CD109: variants seen among roughly 807,000 people sequenced by gnomAD.
The protein encoded by CD109 is CD109 molecule, also known as CD109 antigen.
In CD109, 149 loss-of-function variants were observed where a neutral mutation model predicts 165.8. The observed-to-expected ratio is 0.90, with a 90% CI of 0.79 to 1.03. The LOEUF is 1.03. CD109 is among the 50% of genes least tolerant of loss of function. CD109 has a pLI of 0.00. For synonymous variants in CD109, 585 were observed against 592.1 expected, an observed-to-expected ratio of 0.99 and a Z score of 0.18; for missense variants, 1,712 against 1,677.8, an observed-to-expected ratio of 1.02 and a Z score of -0.36.
intron 2 of CD109, among the ~76,000 whole-genome samples, chr6:73,718,638 G>C (rs1582055418): frequency 6.6e-6 from 1 of 151,818 alleles, no homozygotes; most frequent in African/African-American, 2.4e-5. Context: ...TGAGTCAGGT[G>C]GTTAGGGTCA....
intron 2 of CD109, among the ~76,000 whole-genome samples, chr6:73,700,134 T>G (rs927343734): frequency 1.3e-5 from 2 of 152,156 alleles, no homozygotes; most frequent in Admixed American, 6.5e-5. Flanking sequence ...CAGGCCAGAG[T>G]GCAGTGGTGA....
rs763594935 is a variant in CD109, at chr6:73,812,223, A to G, written c.3721A>G (p.Thr1241Ala). ...GATTCAGCTTGCTGTGGTACAGCCAACGGCAGTTAATATTTCCGCAAATGG... is the reference window on the plus strand; with the variant it reads ...GATTCAGCTTGCTGTGGTACAGCCAGCGGCAGTTAATATTTCCGCAAATGG... ...QTAELAVVQPTAVNISANGFG... is the reference protein window; with the variant it reads ...QTAELAVVQPAAVNISANGFG... Residue 1241 changes from threonine (T) to alanine (A), a missense_variant, in exon 29 of 33, where the codon ACG (threonine) becomes GCG (alanine). Physicochemically the swap from Thr to Ala is moderately conservative, Grantham distance 58. Transcript: ENST00000287097. The G allele has an allele frequency of 2.5e-6, 4 of 1,610,584 alleles. No homozygotes were observed. Among genetic ancestry groups the G allele is most frequent in the Non-Finnish European group, 3.4e-6 (4 of 1,177,736 alleles).
intron 10 of CD109, among the ~76,000 whole-genome samples, chr6:73,764,306 A>G (rs1209465126): frequency 6.6e-6 from 1 of 152,212 alleles, no homozygotes; most frequent in Non-Finnish European, 1.5e-5. Flanking sequence ...GGGGTTGCCA[A>G]ACTTTTTCTG....
intron 3 of CD109, among the ~76,000 whole-genome samples, chr6:73,730,081 A>G (rs55818648): frequency 0.065 from 9,915 of 152,170 alleles, 422 homozygotes; most frequent in Non-Finnish European, 0.088. Context: ...GGAATAGGAA[A>G]TGGCAAGGTG....
chr6:73,785,968 C>T (rs1424662455), intron 20 of CD109, among the ~76,000 whole-genome samples: 2 of 151,960 alleles, frequency 1.3e-5, no homozygotes, highest in African/African-American at 2.4e-5. Flanking sequence ...CCTCAGCCTC[C>T]GAGTAGCTGG....
chr6:73,740,589 T>A (rs1772733803), intron 5 of CD109, among the ~76,000 whole-genome samples: 1 of 148,936 alleles, frequency 6.7e-6, no homozygotes, highest in African/African-American at 2.5e-5. Flanking sequence ...TTTCTAGTTT[T>A]CTTTTCTTTC....
At chr6:73,724,612 A>AT (rs1283633972) in intron 3 of CD109, among the ~76,000 whole-genome samples, 160 of 141,064 alleles carry the variant, frequency 1.1e-3, no homozygotes, top group Non-Finnish European at 2.1e-3. Flanking sequence ...CATTACCTTA[A>AT]ATTTTTTTTT....
intron 5 of CD109, among the ~76,000 whole-genome samples, chr6:73,747,641 A>G (rs767546516): frequency 6.6e-5 from 10 of 152,162 alleles, no homozygotes; most frequent in Non-Finnish European, 1.3e-4. Flanking sequence ...AACTATCAAC[A>G]TCTGTATTTG....
intron 2 of CD109, among the ~76,000 whole-genome samples, chr6:73,698,540 G>A (rs1770943324): frequency 6.6e-6 from 1 of 152,020 alleles, no homozygotes; most frequent in African/African-American, 2.4e-5. Flanking sequence ...TTTAAGGCAC[G>A]TAATGAAGGG....
intron 27 of CD109, 45 bp from the exon 28 acceptor site, chr6:73,810,947 C>T (rs373725772): frequency 1.3e-6 from 2 of 1,559,290 alleles, no homozygotes; most frequent in Non-Finnish European, 1.7e-6. Flanking sequence ...CTTTGAAGAC[C>T]TTGATATATA....
chr6:73,689,492 G>C, the CD109 span, among the ~76,000 whole-genome samples: 1 of 152,198 alleles, frequency 6.6e-6, no homozygotes, highest in Non-Finnish European at 1.5e-5. Context: ...ATGCATTTTG[G>C]TGGCCAGTGT....
At chr6:73,746,813 C>T (rs369547453) in intron 5 of CD109, among the ~76,000 whole-genome samples, 1 of 152,236 alleles carries the variant, frequency 6.6e-6, no homozygotes, top group African/African-American at 2.4e-5. Flanking sequence ...CAGGTATAGA[C>T]CAGCTTCAGT....
rs1554181710 is a variant in CD109, at chr6:73,781,266, G to A, written c.1910G>A (p.Gly637Glu). Residue 637 changes from glycine to glutamate, a missense_variant, in exon 17 of 33, where the codon GGA (glycine) becomes GAA (glutamate). Gly to Glu is a moderately conservative substitution (Grantham distance 98). Transcript: ENST00000287097. ...AAAAATTATTCTTTTTAGGAATGTG[G>A]ACTCTGGGTATTGACAGATGCAAAC... Reference protein sequence around the residue: ...MNSFAVFQECGLWVLTDANLT... With the variant: ...MNSFAVFQECELWVLTDANLT... 12 of 1,611,826 alleles carry A rather than the reference G, an allele frequency of 7.4e-6. No homozygotes were observed. Among genetic ancestry groups the A allele is most frequent in the Middle Eastern group, 1.6e-4 (1 of 6,072 alleles).
chr6:73,708,493 T>C (rs1771391249), intron 2 of CD109, among the ~76,000 whole-genome samples: 1 of 152,232 alleles, frequency 6.6e-6, no homozygotes, highest in Non-Finnish European at 1.5e-5. Context: ...GCATGATTTA[T>C]AGTCCTTTGG....
At chr6:73,727,556 T>C (rs984429075) in intron 3 of CD109, among the ~76,000 whole-genome samples, 1 of 152,296 alleles carries the variant, frequency 6.6e-6, no homozygotes, top group Admixed American at 6.5e-5. Context: ...TGAAGGAGGA[T>C]AGAGTAGGAG....
chr6:73,810,953 ATATACT>A lies in CD109; in HGVS notation c.3547-34_3547-29del, dbSNP rs1260354207. 3.2e-6 allele frequency: 5 copies of A among 1,580,986 alleles called. No individual in the cohort carries two copies. The African/African-American group carries it at 6.8e-5, about 22-fold the overall frequency. On this transcript the variant is annotated intron_variant, in intron 27 of 32. Coordinates refer to ENST00000287097, the MANE Select transcript of CD109 (RefSeq NM_133493.5). ...AAATTTACTCTTTGAAGACCTTGAT[ATATACT>A]TATATGTACAAATGTTTTTCTTCCC... is the stretch of plus-strand genomic sequence containing the variant.
rs184703998 is a variant in CD109 at position 73,812,859 on chromosome 6, C to T, written c.3768+589C>T. 1.4e-4 allele frequency among the ~76,000 whole-genome samples: 21 copies of T among 152,146 alleles called. No homozygotes were observed. The East Asian group carries it at 1.9e-3, about 14-fold the overall frequency. The stretch of plus-strand genomic sequence containing the variant: ...AATATTGAGGACTTTAAGATCATCT[C>T]ATTAGAACCCAAAGATAATTTGTGA... On this transcript the variant is annotated intron_variant, in intron 29 of 32. Coordinates refer to ENST00000287097, the MANE Select transcript of CD109 (RefSeq NM_133493.5).
chr6:73,762,534 C>G (rs1177285433), intron 8 of CD109, 54 bp downstream of exon 8: 4 of 1,232,120 alleles, frequency 3.2e-6, no homozygotes, highest in Non-Finnish European at 4.7e-6. Context: ...GTGTATTTTT[C>G]TAGAAATAAG....
rs111901038 is a variant in CD109, at chr6:73,751,040, G to A, written c.634-5603G>A. Among the ~76,000 whole-genome samples, 79 of 152,252 alleles carry A rather than the reference G, an allele frequency of 5.2e-4. 5 individuals are homozygous for A. The highest frequency in any genetic ancestry group is 1.9e-3 in the African/African-American group (79 of 41,540). On this transcript the variant is annotated intron_variant, in intron 5 of 32. Coordinates refer to ENST00000287097, the MANE Select transcript of CD109 (RefSeq NM_133493.5). ...TCCAGCTCGGGTCTTCTTTGGTCTG[G>A]ATGCCTGCCTCCAACTCACTAGGCT...
Sources: gnomAD v4.1 joint callset for allele counts (sites outside exome capture counted in the v4.1 genomes callset) on GRCh38, gnomAD v4.1.1 for gene constraint, MANE v1.5 for transcripts, NCBI Gene and HGNC (gene_info 2026-07-23, HGNC 2026-07-21) for gene names.